Variants in CFAP57 observed in about 807,000 individuals in gnomAD.
CFAP57 encodes cilia- and flagella-associated protein 57.
A neutral mutation model predicts 146.8 loss-of-function variants in CFAP57; 116 were observed. That is an observed-to-expected ratio of 0.79 (90% CI 0.68 to 0.92). The LOEUF (loss-of-function observed/expected upper bound fraction) is 0.92, where lower values mean the gene tolerates loss of function less well. Among genes scored for constraint, CFAP57 ranks in the 40% least tolerant of loss-of-function variants. The pLI, the probability that CFAP57 is intolerant of heterozygous loss-of-function variation, is 0.00. For missense variants in CFAP57, 1,377 were observed against 1,527.2 expected (o/e 0.90, Z 1.64); for synonymous variants, 518 against 552.8 (o/e 0.94, Z 0.88).
chr1:43,178,201 G>A (rs1183082743), intron 2 of CFAP57, among the ~76,000 whole-genome samples: 1 of 152,150 alleles, frequency 6.6e-6, no homozygotes, highest in Admixed American at 6.5e-5. Flanking sequence ...GAAAACCTAG[G>A]CAATACCATT....
chr1:43,186,439 G>A (rs1319140044), intron 5 of CFAP57, among the ~76,000 whole-genome samples: 6 of 151,884 alleles, frequency 4.0e-5, no homozygotes, highest in Admixed American at 1.3e-4. Context: ...GTGAAACCCT[G>A]TCTCTACTAA....
chr1:43,176,703 C>T (rs1645185210), intron 2 of CFAP57, among the ~76,000 whole-genome samples: 1 of 152,244 alleles, frequency 6.6e-6, no homozygotes, highest in African/African-American at 2.4e-5. Flanking sequence ...GTACAGTCTA[C>T]ATGCTAGATA....
intron 7 of CFAP57, 68 bp from the exon 8 acceptor site, chr1:43,198,413 G>C: frequency 6.6e-7 from 1 of 1,509,418 alleles, no homozygotes; most frequent in Non-Finnish European, 9.2e-7. Flanking sequence ...ATATATATCA[G>C]ATACAGTAGA....
chr1:43,197,003 A>G (rs1643891142), intron 6 of CFAP57, among the ~76,000 whole-genome samples: 1 of 152,244 alleles, frequency 6.6e-6, no homozygotes, highest in Non-Finnish European at 1.5e-5. Flanking sequence ...GTTAAATTAA[A>G]TTCTAAGATA....
chr1:43,192,899 C>A (rs1301748976), intron 6 of CFAP57, among the ~76,000 whole-genome samples: 1 of 151,920 alleles, frequency 6.6e-6, no homozygotes, highest in Non-Finnish European at 1.5e-5. Flanking sequence ...TGTACTCCAG[C>A]CTGGGCAACA....
At position 43,224,283 on chromosome 1, in the gene CFAP57, G is replaced by T. The variant is rs1645158631; in HGVS notation, c.2865+79G>T. 2.1e-6 allele frequency: 3 copies of T among 1,416,938 alleles called. No homozygotes were observed. The Admixed American group carries it at 8.6e-5, about 40-fold the overall frequency. 87.8% of individuals were successfully genotyped at this position (1,416,938 alleles called of 1,614,324 possible). ...GAAGGCAAAGCTCAGGGGAGAGAGG[G>T]TCCCTAGCTTCTCAGGACGCATTTC... On this transcript the variant is annotated intron_variant, in intron 17 of 22. Coordinates refer to ENST00000372492, the MANE Select transcript of CFAP57 (RefSeq NM_001378189.1).
chr1:43,235,918 C>T (rs1328513931), intron 21 of CFAP57, among the ~76,000 whole-genome samples: 1 of 152,214 alleles, frequency 6.6e-6, no homozygotes, highest in East Asian at 1.9e-4. Flanking sequence ...CCATGCCAAG[C>T]AGCCAAAGCA....
intron 9 of CFAP57, chr1:43,206,282 A>AT (rs34901730): frequency 1.7e-5 from 3 of 178,774 alleles, no homozygotes; most frequent in Non-Finnish European, 3.6e-5. Context: ...TTAAATGATT[A>AT]TTTTTTATCA....
intron 2 of CFAP57, among the ~76,000 whole-genome samples, chr1:43,179,268 G>T (rs1557724636): frequency 6.8e-6 from 1 of 146,120 alleles, no homozygotes; most frequent in Admixed American, 6.9e-5. Flanking sequence ...ATGTACCCTA[G>T]AACTTAAAGT....
At chr1:43,178,799 G>A (rs1409647702) in intron 2 of CFAP57, among the ~76,000 whole-genome samples, 1 of 152,122 alleles carries the variant, frequency 6.6e-6, no homozygotes, top group African/African-American at 2.4e-5. Flanking sequence ...ATACCCAAAG[G>A]ATTATAAATC....
intron 21 of CFAP57, among the ~76,000 whole-genome samples, chr1:43,234,912 G>A (rs918437302): frequency 6.6e-5 from 10 of 151,900 alleles, no homozygotes; most frequent in Non-Finnish European, 1.3e-4. Context: ...CCACATACCC[G>A]ATTCCTCTTT....
At chr1:43,202,626 T>C (rs1436839003) in intron 9 of CFAP57, among the ~76,000 whole-genome samples, 1 of 151,502 alleles carries the variant, frequency 6.6e-6, no homozygotes, top group African/African-American at 2.4e-5. Context: ...CTACTAAAAC[T>C]ACAAAAATCA....
chr1:43,223,581 C>T (rs1645133245), intron 16 of CFAP57, among the ~76,000 whole-genome samples: 1 of 152,218 alleles, frequency 6.6e-6, no homozygotes, highest in South Asian at 2.1e-4. Flanking sequence ...TCAAAGCAAG[C>T]TGAAGTTTCT....
intron 6 of CFAP57, among the ~76,000 whole-genome samples, chr1:43,192,885 C>T (rs1643630627): frequency 6.6e-6 from 1 of 152,064 alleles, no homozygotes. Flanking sequence ...CGAGATCATG[C>T]CATTGTACTC....
chr1:43,199,463 G>A lies in CFAP57; in HGVS notation c.1502G>A (p.Ser501Asn). 22 of 1,614,142 alleles carry A rather than the reference G, an allele frequency of 1.4e-5. No homozygotes were observed. Among genetic ancestry groups the A allele is most frequent in the Non-Finnish European group, 1.8e-5 (21 of 1,180,030 alleles). Reference sequence around the variant, plus strand: ...GTGATTCACGTTTACACCACCACGAGCCTAGAGAACATCTCAAGCCTGAAA... The same window carrying A: ...GTGATTCACGTTTACACCACCACGAACCTAGAGAACATCTCAAGCCTGAAA... The part of the protein sequence containing the change: ...GNVIHVYTTT[S>N]LENISSLKGH... The change falls in exon 9 of 23, where the codon AGC becomes AAC. Residue 501 changes from serine to asparagine, a missense_variant. Transcript: ENST00000372492.
intron 10 of CFAP57, among the ~76,000 whole-genome samples, chr1:43,207,725 A>G (rs1417336833): frequency 6.6e-6 from 1 of 152,228 alleles, no homozygotes; most frequent in Non-Finnish European, 1.5e-5. Context: ...CTCAGCAAGG[A>G]TGCATCATAC....
intron 9 of CFAP57, among the ~76,000 whole-genome samples, chr1:43,205,132 C>G (rs756273284): frequency 6.6e-6 from 1 of 152,198 alleles, no homozygotes; most frequent in Non-Finnish European, 1.5e-5. Context: ...CTAGAGTTGT[C>G]TGTTATCCCT....
chr1:43,185,486 G>A, intron 5 of CFAP57, 130 bp downstream of exon 5: 1 of 832,826 alleles, frequency 1.2e-6, no homozygotes, highest in Non-Finnish European at 2.0e-6. Flanking sequence ...TGGTGAAATG[G>A]TGACTCGAGA....
rs1645024226 is a variant in CFAP57, at chr1:43,172,731, G to C, written c.-19-4G>C. 1 of 1,613,730 alleles carries C rather than the reference G, an allele frequency of 6.2e-7. No homozygotes were observed. Among genetic ancestry groups the C allele is most frequent in the Non-Finnish European group, 8.5e-7 (1 of 1,179,998 alleles). On this transcript the variant is annotated splice_polypyrimidine_tract_variant and splice_region_variant and intron_variant, in intron 1 of 22. Coordinates refer to ENST00000372492, the MANE Select transcript of CFAP57 (RefSeq NM_001378189.1). ...CTCTGAAGCGCTGCCTTGGTCTTCA[G>C]CAGAACTGTTTGGCGGGAGATCATG...
Sources: gnomAD v4.1 joint callset for allele counts (sites outside exome capture counted in the v4.1 genomes callset) on GRCh38, gnomAD v4.1.1 for gene constraint, MANE v1.5 for transcripts, NCBI Gene and HGNC (gene_info 2026-07-23, HGNC 2026-07-21) for gene names.